The following ZNF423 variants were observed in gnomAD, a reference collection of about 807,000 sequenced individuals.
ZNF423 encodes the protein Ebf-associated zinc finger protein.
In ZNF423, 12 loss-of-function variants were observed where a neutral mutation model predicts 95.8. The ratio of observed to expected loss-of-function variants is 0.13; its 90% CI spans 0.08 to 0.20. ZNF423 has a LOEUF of 0.20. ZNF423 is among the 10% of genes least tolerant of loss of function. The probability of loss-of-function intolerance (pLI) is 1.00; values close to 1 mark genes in which losing one functional copy is unlikely to be tolerated. For synonymous variants in ZNF423, 749 were observed against 711.9 expected (o/e 1.05, Z -0.83); for missense variants, 1,316 against 1,737.1 (o/e 0.76, Z 4.31).
chr16:49,605,003 A>T (rs913051863), intron 5 of ZNF423, among the ~76,000 whole-genome samples: 4 of 152,200 alleles, frequency 2.6e-5, no homozygotes, highest in Admixed American at 2.0e-4. Context: ...TTTGCCTCGG[A>T]TGCTGCCTGG....
intron 1 of ZNF423, among the ~76,000 whole-genome samples, chr16:49,834,053 A>T (rs12929556): frequency 0.05 from 7,637 of 152,314 alleles, 238 homozygotes; most frequent in South Asian, 0.1. Flanking sequence ...CGAGCAGGAC[A>T]GAGTGAAGAT....
At position 49,855,064 on chromosome 16, in the gene ZNF423, C is replaced by T. The variant is rs2035345061; in HGVS notation, c.40+671G>A. The T allele has an allele frequency of 1.0e-6, 1 of 984,204 alleles. No individual in the cohort carries two copies. The allele number at this position is 984,204 out of a possible 1,614,324, so 61.0% of individuals were successfully genotyped here. A position where few individuals can be genotyped will look rare whatever the true frequency, so the allele number is the denominator to read the frequency against. On this transcript the variant is annotated intron_variant, in intron 1 of 7. Coordinates refer to ENST00000563137, the MANE Select transcript of ZNF423 (RefSeq NM_001379286.1). This position sits in a 1 kb window ranked among gnomAD's most constrained non-coding sequence, Gnocchi z 4.7. The stretch of plus-strand genomic sequence containing the variant: ...GCAGACAATGAACTCCTGGCGGAGG[C>T]TCCCTGCCCGGTGGGCCTCGGTGGA...
intron 7 of ZNF423, among the ~76,000 whole-genome samples, chr16:49,522,615 G>A (rs1968448091): frequency 6.6e-6 from 1 of 152,098 alleles, no homozygotes; most frequent in African/African-American, 2.4e-5. Flanking sequence ...CGGCATGTCC[G>A]TCTATGTGTA....
At chr16:49,784,186 A>G (rs2034271792) in intron 2 of ZNF423, among the ~76,000 whole-genome samples, 1 of 152,142 alleles carries the variant, frequency 6.6e-6, no homozygotes, top group African/African-American at 2.4e-5. Flanking sequence ...CCTATAACCC[A>G]GCAATTCCAC....
intron 3 of ZNF423, among the ~76,000 whole-genome samples, chr16:49,713,816 C>T (rs1216658303): frequency 1.3e-5 from 2 of 152,160 alleles, no homozygotes; most frequent in Non-Finnish European, 1.5e-5. Flanking sequence ...ACTGGAGAGA[C>T]AGAAAGTCAG....
At chr16:49,595,167 C>T (rs1971145023) in intron 5 of ZNF423, among the ~76,000 whole-genome samples, 1 of 152,184 alleles carries the variant, frequency 6.6e-6, no homozygotes, top group African/African-American at 2.4e-5. Flanking sequence ...TCTTGTGTCC[C>T]CTCCTGTTGG....
rs371974425 is a variant in ZNF423, at chr16:49,677,768, A to AAGAG, written c.302-38898_302-38895dup. Among the ~76,000 whole-genome samples the AAGAG allele has an allele frequency of 3.3e-4, 49 of 147,740 alleles. No homozygotes were observed. In the South Asian group the frequency reaches 4.3e-3, roughly 13 times the overall value. ...GACCCTGTCTCAAAAAAAAAAAAAA[A>AAGAG]AGAGAGAGAGAGAGAGAGAATGATT... On this transcript the variant is annotated intron_variant, in intron 3 of 7. Transcript: ENST00000563137.
At chr16:49,796,150 C>A (rs1022018884) in intron 1 of ZNF423, among the ~76,000 whole-genome samples, 8 of 152,092 alleles carry the variant, frequency 5.3e-5, no homozygotes, top group Admixed American at 5.2e-4. Context: ...AGAGCTCCCC[C>A]TAATGCTGTC....
intron 3 of ZNF423, among the ~76,000 whole-genome samples, chr16:49,642,866 G>A (rs1027671011): frequency 5.4e-5 from 8 of 148,980 alleles, no homozygotes; most frequent in Non-Finnish European, 1.0e-4. Context: ...TGTGGCCCAG[G>A]CCAGAGTGCA....
At chr16:49,807,745 A>T (rs2034687995) in intron 1 of ZNF423, among the ~76,000 whole-genome samples, 1 of 152,052 alleles carries the variant, frequency 6.6e-6, no homozygotes, top group Non-Finnish European at 1.5e-5. Context: ...CCTAATCCAA[A>T]CCTGCCTGCC....
At chr16:49,707,595 C>T (rs994113126) in intron 3 of ZNF423, among the ~76,000 whole-genome samples, 8 of 140,930 alleles carry the variant, frequency 5.7e-5, no homozygotes, top group African/African-American at 8.0e-5. Context: ...CCAGCCTGGG[C>T]GACAGAGTGA....
At chr16:49,497,282 T>C (rs1166165698) in intron 7 of ZNF423, among the ~76,000 whole-genome samples, 1 of 152,234 alleles carries the variant, frequency 6.6e-6, no homozygotes, top group African/African-American at 2.4e-5. Context: ...GTTCACTGAG[T>C]TCCTGTCTGT....
In ZNF423 at chr16:49,710,533, G is replaced by A. The variant is rs974886436; in HGVS notation, c.301+20238C>T. On this transcript the variant is annotated intron_variant, in intron 3 of 7. Transcript: ENST00000563137. ...ACTTTCTGCTCAAAAGTCACCAGGCGGCAGAAGTAGTGAGGGAGACTCCAT... is the reference window on the plus strand; with the variant it reads ...ACTTTCTGCTCAAAAGTCACCAGGCAGCAGAAGTAGTGAGGGAGACTCCAT... 2.0e-5 allele frequency among the ~76,000 whole-genome samples: 3 copies of A among 152,192 alleles called. No homozygotes were observed. The East Asian group carries it at 5.8e-4, about 29-fold the overall frequency.
intron 2 of ZNF423, among the ~76,000 whole-genome samples, chr16:49,740,961 C>A (rs1188021953): frequency 6.6e-6 from 1 of 152,212 alleles, no homozygotes; most frequent in African/African-American, 2.4e-5. Flanking sequence ...GTCAGGGAGA[C>A]GTTACCACCA....
chr16:49,620,075 C>T (rs141263875), intron 5 of ZNF423, among the ~76,000 whole-genome samples: 1 of 151,824 alleles, frequency 6.6e-6, no homozygotes, highest in African/African-American at 2.4e-5. Flanking sequence ...TTCATAAAGA[C>T]TTGTAAGGTA....
intron 1 of ZNF423, among the ~76,000 whole-genome samples, chr16:49,795,104 T>G (rs2034477618): frequency 6.6e-6 from 1 of 151,904 alleles, no homozygotes; most frequent in South Asian, 2.1e-4. Context: ...ACTCCTGACC[T>G]CAGGTTATCC....
intron 1 of ZNF423, among the ~76,000 whole-genome samples, chr16:49,815,555 G>A (rs2034823246): frequency 1.3e-5 from 2 of 152,082 alleles, no homozygotes; most frequent in Admixed American, 1.3e-4. Flanking sequence ...CAGGAGGCAG[G>A]GCTGGTCCAG....
intron 5 of ZNF423, among the ~76,000 whole-genome samples, chr16:49,547,728 C>T (rs141372535): frequency 4.6e-5 from 7 of 152,318 alleles, no homozygotes; most frequent in East Asian, 1.9e-4. Flanking sequence ...AAATGCTGGG[C>T]GTTGTCCTGG....
chr16:49,557,300 A>G (rs1205201158), intron 5 of ZNF423, among the ~76,000 whole-genome samples: 1 of 152,218 alleles, frequency 6.6e-6, no homozygotes, highest in Non-Finnish European at 1.5e-5. Context: ...AGCGCCTGGC[A>G]GGAGGAGGGA....
Sources: allele counts gnomAD v4.1 joint callset (sites outside exome capture counted in the v4.1 genomes callset), GRCh38; gene constraint gnomAD v4.1.1; non-coding constraint Gnocchi (gnomAD v3.1); transcripts MANE v1.5; gene names NCBI Gene and HGNC (gene_info 2026-07-23, HGNC 2026-07-21).